Variants in GOLGA1 observed in about 807,000 individuals in gnomAD.
The protein encoded by GOLGA1 is golgin subfamily A member 1.
GOLGA1 carries 63 observed loss-of-function variants against 119.7 expected under a neutral mutation model. The ratio of observed to expected loss-of-function variants is 0.53; its 90% CI spans 0.43 to 0.65. The LOEUF is 0.65. Among genes scored for constraint, GOLGA1 ranks in the 30% least tolerant of loss-of-function variants. The pLI, the probability that GOLGA1 is intolerant of heterozygous loss-of-function variation, is 0.00. For missense variants in GOLGA1, 798 were observed against 912.8 expected (o/e 0.87, Z 1.62); for synonymous variants, 318 against 333.4 (o/e 0.95, Z 0.50).
intron 10 of GOLGA1, among the ~76,000 whole-genome samples, chr9:124,916,083 C>T (rs533787500): frequency 1.1e-4 from 16 of 148,928 alleles, no homozygotes; most frequent in Middle Eastern, 3.5e-3. Context: ...GCCTGGGCAA[C>T]AGAGCAAGAC....
intron 15 of GOLGA1, among the ~76,000 whole-genome samples, chr9:124,895,225 GAGAGAACCCTCCACAAC>G (rs1829941293): frequency 9.0e-6 from 1 of 110,786 alleles, no homozygotes; most frequent in Non-Finnish European, 1.8e-5. Flanking sequence ...CCATCCACAA[GAGAGAACCCTCCACAAC>G]AGAGAACCCT....
chr9:124,945,164 TTAATATAA>T (rs1261070842), upstream of GOLGA1: 2 of 144,850 alleles, frequency 1.4e-5, no homozygotes, highest in East Asian at 3.9e-4. Context: ...GTTTGTAGTT[TTAATATAA>T]TGTACTTCAA....
At chr9:124,907,591 C>A (rs1284008748) in intron 12 of GOLGA1, among the ~76,000 whole-genome samples, 1 of 152,022 alleles carries the variant, frequency 6.6e-6, no homozygotes, top group Non-Finnish European at 1.5e-5. Context: ...ACAATGAAAT[C>A]CTACAAACCA....
chr9:124,881,742 G>A lies in GOLGA1; in HGVS notation c.2136+42C>T. On this transcript the variant is annotated intron_variant, in intron 21 of 22. Coordinates refer to ENST00000373555, the MANE Select transcript of GOLGA1 (RefSeq NM_002077.4). The surrounding 1 kb of genome is among the most constrained non-coding windows in gnomAD (Gnocchi z 4.9). ...GGGTCCCTGCAGGACAGACTGTAGG[G>A]CGGGGCCTCAATACCCAAAAGACAC... The A allele has an allele frequency of 1.4e-6, 2 of 1,405,102 alleles. No homozygotes were observed. Among genetic ancestry groups the A allele is most frequent in the African/African-American group, 2.8e-5 (2 of 70,308 alleles). The allele number at this position is 1,405,102 out of a possible 1,614,324, so 87.0% of individuals were successfully genotyped here.
intron 6 of GOLGA1, 34 bp from the exon 7 acceptor site, chr9:124,926,775 G>A (rs1431330275): frequency 1.5e-6 from 2 of 1,326,412 alleles, no homozygotes; most frequent in African/African-American, 1.5e-5. Flanking sequence ...ATGGTTTCCA[G>A]TGAAGAGTAT....
intron 16 of GOLGA1, among the ~76,000 whole-genome samples, 170 bp downstream of exon 16, chr9:124,890,219 A>G (rs569811159): frequency 6.6e-6 from 1 of 152,230 alleles, no homozygotes; most frequent in African/African-American, 2.4e-5. Flanking sequence ...TTTGTCTCCC[A>G]GCTTCCTAGA....
chr9:124,934,075 T>C (rs1485235649), intron 3 of GOLGA1, among the ~76,000 whole-genome samples: 1 of 152,132 alleles, frequency 6.6e-6, no homozygotes, highest in East Asian at 1.9e-4. Context: ...TTGACACACA[T>C]ACTTTAATAA....
Position 124,881,244 on chromosome 9 carries a change from A to C in GOLGA1, c.2150T>G (p.Ile717Arg). The change falls in exon 22 of 23, where the codon ATA (isoleucine) becomes AGA (arginine). Residue 717 changes from isoleucine (I) to arginine (R), a missense_variant. Transcript: ENST00000373555. The surrounding 1 kb of genome is among the most constrained non-coding windows in gnomAD (Gnocchi z 4.9). ...SCRESEAFHL[I>R]KAVSVLLNFS... ...GTTCAGCAACACTGACACAGCTTTT[A>C]TAAGATGAAAAGCCTGAAACACAGT... 6.3e-7 allele frequency: 1 copy of C among 1,599,362 alleles called. No homozygotes were observed. Among genetic ancestry groups the C allele is most frequent in the Non-Finnish European group, 8.6e-7 (1 of 1,166,402 alleles).
intron 8 of GOLGA1, among the ~76,000 whole-genome samples, chr9:124,922,564 A>AAAAG (rs1166288452): frequency 6.6e-6 from 1 of 151,196 alleles, no homozygotes; most frequent in Non-Finnish European, 1.5e-5. Flanking sequence ...AAAAAAAAAA[A>AAAAG]AAAGAAAGAA....
intron 19 of GOLGA1, among the ~76,000 whole-genome samples, chr9:124,886,413 C>CAG (rs35085157): frequency 0.03 from 4,545 of 152,152 alleles, 208 homozygotes; most frequent in East Asian, 0.23. Context: ...TGCCAACAGG[C>CAG]CAATCAGAGG....
At chr9:124,915,124 T>G (rs1564337146) in intron 10 of GOLGA1, among the ~76,000 whole-genome samples, 1 of 152,128 alleles carries the variant, frequency 6.6e-6, no homozygotes, top group Non-Finnish European at 1.5e-5. Flanking sequence ...ACAGTTATAG[T>G]CCCAGAATAT....
chr9:124,914,494 C>T (rs113049031), intron 10 of GOLGA1, among the ~76,000 whole-genome samples: 11 of 151,828 alleles, frequency 7.2e-5, no homozygotes, highest in African/African-American at 1.4e-4. Context: ...AGCGACACTC[C>T]GTCTCAAAGA....
intron 16 of GOLGA1, among the ~76,000 whole-genome samples, chr9:124,890,155 A>G (rs1417454439): frequency 1.3e-5 from 2 of 152,172 alleles, no homozygotes; most frequent in Non-Finnish European, 2.9e-5. Flanking sequence ...CCAGGTAATT[A>G]TAGTTGAAAA....
intron 10 of GOLGA1, among the ~76,000 whole-genome samples, chr9:124,916,937 T>G (rs1176509085): frequency 1.2e-5 from 1 of 81,812 alleles, no homozygotes; most frequent in African/African-American, 4.9e-5. Context: ...TCGACAAAAA[T>G]TAAAATTTTG....
chr9:124,924,923 T>TA (rs1048924458), intron 7 of GOLGA1, among the ~76,000 whole-genome samples: 6 of 150,732 alleles, frequency 4.0e-5, no homozygotes, highest in African/African-American at 1.5e-4. Flanking sequence ...ACTAAAAATA[T>TA]AAAAAAATTA....
intron 11 of GOLGA1, among the ~76,000 whole-genome samples, chr9:124,911,410 A>G (rs1378115575): frequency 6.6e-6 from 1 of 152,244 alleles, no homozygotes; most frequent in Admixed American, 6.5e-5. Context: ...GAAGAGCAGA[A>G]TGTGTGCAGA....
rs1564322319 is a variant in GOLGA1, at chr9:124,888,436, C to T, written c.1762-40G>A. On this transcript the variant is annotated intron_variant, in intron 18 of 22. Coordinates refer to ENST00000373555, the MANE Select transcript of GOLGA1 (RefSeq NM_002077.4). This position sits in a 1 kb window ranked among gnomAD's most constrained non-coding sequence, Gnocchi z 4.4. ...CAGCAAATTGAGAGCCAGGACAGGTCAGGTGAAGCTGAGCCACAGGTACAC... is the reference window on the plus strand; with the variant it reads ...CAGCAAATTGAGAGCCAGGACAGGTTAGGTGAAGCTGAGCCACAGGTACAC... 1 of 1,604,134 alleles carries T rather than the reference C, an allele frequency of 6.2e-7. No homozygotes were observed. The highest frequency in any genetic ancestry group is 8.5e-7 in the Non-Finnish European group (1 of 1,171,668).
rs568166420 is a variant in GOLGA1 at position 124,885,414 on chromosome 9, G to A, written c.1905+2839C>T. ...GCAACAGAATCGCTTGCACCGAGGA[G>A]GCAGAGGTCGCAGTGAGCCAAGATC... is the stretch of plus-strand genomic sequence containing the variant. On this transcript the variant is annotated intron_variant, in intron 19 of 22. Coordinates refer to ENST00000373555, the MANE Select transcript of GOLGA1 (RefSeq NM_002077.4). Among the ~76,000 whole-genome samples the A allele has an allele frequency of 2.6e-5, 4 of 151,348 alleles. No homozygotes were observed. In the South Asian group the frequency reaches 6.3e-4, roughly 24 times the overall value.
At chr9:124,880,690 G>T (rs566469780) in intron 22 of GOLGA1, 80 bp from the exon 23 acceptor site, 3 of 859,636 alleles carry the variant, frequency 3.5e-6, no homozygotes, top group South Asian at 2.7e-5. Context: ...CTCCCCTCCC[G>T]TGAGCCTGTC....
Sources: gnomAD v4.1 joint callset for allele counts (sites outside exome capture counted in the v4.1 genomes callset) on GRCh38, gnomAD v4.1.1 for gene constraint, Gnocchi (gnomAD v3.1) non-coding constraint, MANE v1.5 for transcripts, NCBI Gene and HGNC (gene_info 2026-07-23, HGNC 2026-07-21) for gene names.